The following FAM135A variants were observed in gnomAD, a reference collection of about 807,000 sequenced individuals.
The protein encoded by FAM135A is family with sequence similarity 135 member A, also known as protein FAM135A.
A neutral mutation model predicts 146.8 loss-of-function variants in FAM135A; 79 were observed. That is an observed-to-expected ratio of 0.54 (90% CI 0.45 to 0.65). FAM135A has a LOEUF of 0.65. FAM135A is among the 30% of genes least tolerant of loss of function. The pLI is 0.00. For missense variants in FAM135A, 1,623 were observed against 1,758.2 expected, an observed-to-expected ratio of 0.92 and a Z score of 1.38; for synonymous variants, 562 against 603.6, an observed-to-expected ratio of 0.93 and a Z score of 1.01.
intron 11 of FAM135A, among the ~76,000 whole-genome samples, chr6:70,497,404 G>A (rs1049913698): frequency 2.0e-5 from 3 of 152,246 alleles, no homozygotes; most frequent in East Asian, 1.9e-4. Context: ...GGGCTGAGAC[G>A]ATGGGGTTTT....
intron 5 of FAM135A, among the ~76,000 whole-genome samples, chr6:70,469,097 A>G (rs373829950): frequency 6.6e-6 from 1 of 152,120 alleles, no homozygotes; most frequent in Non-Finnish European, 1.5e-5. Flanking sequence ...TTTCAAATGT[A>G]TTCTATCATT....
chr6:70,560,131 CT>C lies in FAM135A; in HGVS notation c.*215del. ...CTGTGCAATATTTTTTTAATTTTAT[CT>C]TTTTACTTTTCTATTACTTTTTCAT... On this transcript the variant is annotated 3_prime_UTR_variant, in exon 22 of 22. Coordinates refer to ENST00000418814, the MANE Select transcript of FAM135A (RefSeq NM_001162529.3). 1 of 472,626 alleles carries C rather than the reference CT, an allele frequency of 2.1e-6. No homozygotes were observed. Among genetic ancestry groups the C allele is most frequent in the East Asian group, 3.7e-5 (1 of 26,768 alleles). The allele number at this position is 472,626 out of a possible 1,614,324, so 29.3% of individuals were successfully genotyped here.
At chr6:70,528,853 C>T (rs1402397518) in intron 16 of FAM135A, among the ~76,000 whole-genome samples, 2 of 146,986 alleles carry the variant, frequency 1.4e-5, no homozygotes, top group East Asian at 4.0e-4. Flanking sequence ...CACCCCCTGA[C>T]AGTCCCCATT....
intron 5 of FAM135A, among the ~76,000 whole-genome samples, chr6:70,452,818 A>G (rs902515576): frequency 9.2e-5 from 14 of 152,188 alleles, no homozygotes; most frequent in Non-Finnish European, 1.9e-4. Flanking sequence ...CAAATGTAGG[A>G]TTGGTATCCA....
chr6:70,547,473 A>C (rs572122403), intron 20 of FAM135A, among the ~76,000 whole-genome samples: 4 of 152,186 alleles, frequency 2.6e-5, no homozygotes, highest in African/African-American at 9.7e-5. Context: ...TGTCTTGAAC[A>C]TTGTAGCATG....
At chr6:70,500,043 A>G (rs1039640988) in intron 11 of FAM135A, among the ~76,000 whole-genome samples, 10 of 152,156 alleles carry the variant, frequency 6.6e-5, no homozygotes, top group African/African-American at 2.4e-4. Flanking sequence ...GGTTAGGGGA[A>G]GTTCTCCTGG....
intron 18 of FAM135A, among the ~76,000 whole-genome samples, chr6:70,535,645 G>A (rs566510999): frequency 6.6e-6 from 1 of 152,284 alleles, no homozygotes; most frequent in South Asian, 2.1e-4. Context: ...CCAGTCCCTG[G>A]TGCCAAAAAG....
chr6:70,557,809 G>A (rs1034104228), intron 21 of FAM135A: 12 of 150,518 alleles, frequency 8.0e-5, no homozygotes, highest in African/African-American at 2.9e-4. Flanking sequence ...TCTACATTGT[G>A]ACGGTGAACA....
intron 10 of FAM135A, among the ~76,000 whole-genome samples, chr6:70,483,756 A>G (rs1172436261): frequency 6.6e-6 from 1 of 152,216 alleles, no homozygotes; most frequent in Non-Finnish European, 1.5e-5. Context: ...CAGTGTGATG[A>G]AAAGTAGTGA....
intron 12 of FAM135A, 60 bp from the exon 13 acceptor site, chr6:70,522,453 A>T: frequency 2.7e-6 from 4 of 1,465,304 alleles, no homozygotes; most frequent in Non-Finnish European, 3.8e-6. Context: ...TTACCATAAG[A>T]TGCCGGATTG....
At position 70,472,047 on chromosome 6, in the gene FAM135A, C is replaced by G. The variant is rs559923865; in HGVS notation, c.158-3363C>G. Among the ~76,000 whole-genome samples the G allele has an allele frequency of 4.6e-5, 7 of 152,150 alleles. No homozygotes were observed. The South Asian group carries it at 8.3e-4, about 18-fold the overall frequency. On this transcript the variant is annotated intron_variant, in intron 5 of 21. Coordinates refer to ENST00000418814, the MANE Select transcript of FAM135A (RefSeq NM_001162529.3). ...AGTGAGTGGTACTGTGCTGTCTGAT[C>G]ACAGGAGATTCAAAGCCAGTGGTAT...
At chr6:70,514,266 C>G (rs1582676509) in intron 12 of FAM135A, among the ~76,000 whole-genome samples, 2 of 152,174 alleles carry the variant, frequency 1.3e-5, no homozygotes, top group East Asian at 3.9e-4. Context: ...AACTAATCTG[C>G]TCTTAATCTC....
At chr6:70,432,253 T>A (rs1771837833) in intron 4 of FAM135A, among the ~76,000 whole-genome samples, 1 of 152,172 alleles carries the variant, frequency 6.6e-6, no homozygotes, top group Non-Finnish European at 1.5e-5. Flanking sequence ...GTATACTTAA[T>A]CTCTACCTGC....
chr6:70,496,288 G>A (rs1787234302), intron 11 of FAM135A, among the ~76,000 whole-genome samples: 1 of 151,868 alleles, frequency 6.6e-6, no homozygotes, highest in South Asian at 2.1e-4. Flanking sequence ...TATGTTTGTT[G>A]GCCACATAAA....
chr6:70,559,960 C>A lies in FAM135A; in HGVS notation c.*39C>A. ...TTAGCGACTGGACAATTACCTCATT[C>A]AACAATGTTTCAAATAATGTATTAT... On this transcript the variant is annotated 3_prime_UTR_variant, in exon 22 of 22. Coordinates refer to ENST00000418814, the MANE Select transcript of FAM135A (RefSeq NM_001162529.3). The A allele has an allele frequency of 6.8e-7, 1 of 1,466,128 alleles. No individual in the cohort carries two copies. Among genetic ancestry groups the A allele is most frequent in the South Asian group, 1.2e-5 (1 of 84,906 alleles). The allele number at this position is 1,466,128 out of a possible 1,614,324, so 90.8% of individuals were successfully genotyped here. A position where few individuals can be genotyped will look rare whatever the true frequency, so the allele number is the denominator to read the frequency against.
At position 70,526,286 on chromosome 6, in the gene FAM135A, G is replaced by A. The variant is rs1203829132; in HGVS notation, c.3202G>A (p.Glu1068Lys). The change falls in exon 15 of 22, where the codon GAA (glutamate) becomes AAA (lysine). Residue 1068 changes from glutamate to lysine, a missense_variant. Physicochemically the swap from Glu to Lys is moderately conservative, Grantham distance 56. This residue lies in a region of FAM135A where 1,061 missense variants were observed against 1,113.8 expected (regional missense o/e 0.95). Coordinates refer to ENST00000418814, the MANE Select transcript of FAM135A (RefSeq NM_001162529.3). Reference sequence around the variant, plus strand: ...CAGCAATGCACTTAGCCCTCAGAAGGAAACTTCTGAAAAAGAAATTAGTAA... The same window carrying A: ...CAGCAATGCACTTAGCCCTCAGAAGAAAACTTCTGAAAAAGAAATTAGTAA... The part of the protein sequence containing the change: ...SYSNALSPQK[E>K]TSEKEISNLQ... 3 of 1,613,358 alleles carry A rather than the reference G, an allele frequency of 1.9e-6. No homozygotes were observed. Among genetic ancestry groups the A allele is most frequent in the Middle Eastern group, 1.6e-4 (1 of 6,062 alleles).
chr6:70,492,656 T>TAA lies in FAM135A; in HGVS notation c.873+1588_873+1589dup, dbSNP rs368818336. ...TATCAATTTTAAAACAACACCCTTG[T>TAA]AAAAAAAAAAAAAAAAGGATACAAT... On this transcript the variant is annotated intron_variant, in intron 11 of 21. Transcript: ENST00000418814. Among the ~76,000 whole-genome samples, 1,148 of 128,168 alleles carry TAA rather than the reference T, an allele frequency of 9.0e-3. 5 individuals are homozygous for TAA. Among genetic ancestry groups the TAA allele is most frequent in the African/African-American group, 0.011 (400 of 36,638 alleles). 84.1% of individuals were successfully genotyped at this position (128,168 alleles called of 152,430 possible).
At chr6:70,519,717 G>T (rs966267644) in intron 12 of FAM135A, among the ~76,000 whole-genome samples, 3 of 151,938 alleles carry the variant, frequency 2.0e-5, no homozygotes, top group Non-Finnish European at 4.4e-5. Flanking sequence ...TTTTAAAAAA[G>T]GTATAATGCT....
Position 70,424,024 on chromosome 6 carries a change from C to T in FAM135A, c.-133-2415C>T, listed in dbSNP as rs185963248. Among the ~76,000 whole-genome samples, 59 of 152,284 alleles carry T rather than the reference C, an allele frequency of 3.9e-4. No individual in the cohort carries two copies. In the East Asian group the frequency reaches 0.011, roughly 29 times the overall value. On this transcript the variant is annotated intron_variant, in intron 2 of 21. Coordinates refer to ENST00000418814, the MANE Select transcript of FAM135A (RefSeq NM_001162529.3). ...TTTGGGAAAATAAACAATGAAAAAA[C>T]TCTTTTCATGAGAATGATGAAGATC...
Sources: gnomAD v4.1 joint callset for allele counts (sites outside exome capture counted in the v4.1 genomes callset) on GRCh38, gnomAD v4.1.1 for gene constraint, gnomAD v4.1.1 regional missense constraint, MANE v1.5 for transcripts, NCBI Gene and HGNC (gene_info 2026-07-23, HGNC 2026-07-21) for gene names.